Variants in PLXDC2 observed in about 807,000 individuals in gnomAD.
The protein encoded by PLXDC2 is plexin domain containing 2, also known as plexin domain-containing protein 2.
A neutral mutation model predicts 68.9 loss-of-function variants in PLXDC2; 40 were observed. The ratio of observed to expected loss-of-function variants is 0.58; its 90% CI spans 0.45 to 0.76. PLXDC2 has a LOEUF of 0.76. Among genes scored for constraint, PLXDC2 ranks in the 30% least tolerant of loss-of-function variants. The probability of loss-of-function intolerance (pLI) is 0.00; values close to 1 mark genes in which losing one functional copy is unlikely to be tolerated. For missense variants in PLXDC2, 644 were observed against 661.9 expected, an observed-to-expected ratio of 0.97 and a Z score of 0.30; for synonymous variants, 243 against 234.2, an observed-to-expected ratio of 1.04 and a Z score of -0.34.
intron 1 of PLXDC2, among the ~76,000 whole-genome samples, chr10:19,822,005 A>G (rs1836475170): frequency 6.6e-6 from 1 of 152,092 alleles, no homozygotes; most frequent in Admixed American, 6.5e-5. Context: ...TATGTATAAG[A>G]GAAAGCAAAT....
At chr10:19,838,480 TA>T (rs1311104840) in intron 1 of PLXDC2, among the ~76,000 whole-genome samples, 1 of 152,204 alleles carries the variant, frequency 6.6e-6, no homozygotes, top group Admixed American at 6.5e-5. Context: ...TAAGTCCAAG[TA>T]AAACAGACAA....
chr10:20,147,931 CTTCCCCTTGTTCTTGACTGCTGCCT>C (rs1194838605), intron 6 of PLXDC2, 29 bp downstream of exon 6: 10 of 1,478,870 alleles, frequency 6.8e-6, no homozygotes, highest in Non-Finnish European at 8.5e-6. Flanking sequence ...ATTTCTTTCC[CTTCCCCTTGTTCTTGACTGCTGCCT>C]TTCCTCCAAA....
Position 19,817,018 on chromosome 10 carries a change from T to C in PLXDC2, c.-62T>C. The C allele has an allele frequency of 1.5e-6, 2 of 1,316,688 alleles. No homozygotes were observed. The highest frequency in any genetic ancestry group is 2.1e-6 in the Non-Finnish European group (2 of 944,978). 81.6% of individuals were successfully genotyped at this position (1,316,688 alleles called of 1,614,324 possible). A position where few individuals can be genotyped will look rare whatever the true frequency, so the allele number is the denominator to read the frequency against. On this transcript the variant is annotated 5_prime_UTR_variant, in exon 1 of 14. Coordinates refer to ENST00000377252, the MANE Select transcript of PLXDC2 (RefSeq NM_032812.9). ...GTTTGGCCCGGTCGTGCCTATTGCA[T>C]CGGGAGCCCCCGAGCACCGGCGAAG...
chr10:20,003,511 C>A (rs1038225747), intron 2 of PLXDC2, among the ~76,000 whole-genome samples: 2 of 152,144 alleles, frequency 1.3e-5, no homozygotes, highest in African/African-American at 4.8e-5. Flanking sequence ...CGGCTCACTG[C>A]AACCTCTGCC....
chr10:19,872,038 T>A (rs567521202), intron 1 of PLXDC2, among the ~76,000 whole-genome samples: 1 of 152,290 alleles, frequency 6.6e-6, no homozygotes, highest in Non-Finnish European at 1.5e-5. Flanking sequence ...ACTTAATAAG[T>A]CATTATTGAA....
chr10:20,085,700 A>G (rs1833182608), intron 4 of PLXDC2, among the ~76,000 whole-genome samples: 1 of 152,156 alleles, frequency 6.6e-6, no homozygotes, highest in Non-Finnish European at 1.5e-5. Context: ...CTACACAGTT[A>G]AGACCTTCTG....
intron 1 of PLXDC2, among the ~76,000 whole-genome samples, chr10:19,906,279 T>C (rs1162532898): frequency 5.3e-5 from 8 of 152,092 alleles, no homozygotes; most frequent in Non-Finnish European, 7.3e-5. Context: ...CACTGAGTGA[T>C]AGTTTGTTAC....
chr10:19,987,719 C>T (rs1046078575), intron 1 of PLXDC2, among the ~76,000 whole-genome samples: 1 of 151,492 alleles, frequency 6.6e-6, no homozygotes, highest in African/African-American at 2.4e-5. Context: ...CCGCCACCAC[C>T]CCCGGCTATT....
chr10:20,140,158 G>A (rs1179721301), intron 4 of PLXDC2, among the ~76,000 whole-genome samples: 2 of 151,926 alleles, frequency 1.3e-5, no homozygotes, highest in South Asian at 2.1e-4. Flanking sequence ...AAATTAGCCG[G>A]GCGTGGTGGA....
Position 20,205,475 on chromosome 10 carries a change from A to G in PLXDC2, c.1062-6194A>G, listed in dbSNP as rs182544047. 2.0e-3 allele frequency among the ~76,000 whole-genome samples: 297 copies of G among 152,250 alleles called. 1 individual carries two copies. Among genetic ancestry groups the G allele is most frequent in the African/African-American group, 7.0e-3 (289 of 41,574 alleles). On this transcript the variant is annotated intron_variant, in intron 9 of 13. Transcript: ENST00000377252. ...CATTTTGAATAAAGATTTGGCCCAT[A>G]TGTGAGAGCAACTTAGAGTTTCTCT...
chr10:19,910,168 TTATA>T (rs3043811), intron 1 of PLXDC2, among the ~76,000 whole-genome samples: 48,059 of 144,982 alleles, frequency 0.33, 8,066 homozygotes, highest in South Asian at 0.42. Flanking sequence ...TTGTACACTT[TTATA>T]TATATATATA....
rs1833766893 is a variant in PLXDC2 at position 19,938,590 on chromosome 10, T to C, written c.113-63185T>C. On this transcript the variant is annotated intron_variant, in intron 1 of 13. Coordinates refer to ENST00000377252, the MANE Select transcript of PLXDC2 (RefSeq NM_032812.9). ...CATGAGAACAGCACCAACAGGGAAA[T>C]CAGTCCCTGTGATCCAATCACCTCC... Among the ~76,000 whole-genome samples the C allele has an allele frequency of 2.6e-5, 4 of 152,058 alleles. No individual in the cohort carries two copies. The South Asian group carries it at 6.2e-4, about 24-fold the overall frequency.
At chr10:20,160,792 A>T (rs1046756352) in intron 6 of PLXDC2, among the ~76,000 whole-genome samples, 1 of 152,232 alleles carries the variant, frequency 6.6e-6, no homozygotes, top group Non-Finnish European at 1.5e-5. Flanking sequence ...CTACTGGAAC[A>T]TTCCAATCTT....
intron 6 of PLXDC2, among the ~76,000 whole-genome samples, chr10:20,162,071 A>AGAGAGAGAGAAGGAAG (rs1834305289): frequency 2.2e-5 from 1 of 44,908 alleles, no homozygotes; most frequent in African/African-American, 8.3e-5. Flanking sequence ...AGAGAGAGAG[A>AGAGAGAGAGAAGGAAG]GAAGGAAGGA....
intron 1 of PLXDC2, among the ~76,000 whole-genome samples, chr10:19,924,715 G>C (rs1027877637): frequency 2.0e-4 from 30 of 152,194 alleles, no homozygotes; most frequent in African/African-American, 7.0e-4. Flanking sequence ...CAGATACCTT[G>C]TGTCCATGTT....
intron 1 of PLXDC2, among the ~76,000 whole-genome samples, chr10:19,871,189 T>C (rs1485522176): frequency 6.6e-6 from 1 of 152,198 alleles, no homozygotes; most frequent in Non-Finnish European, 1.5e-5. Context: ...TTTTTCTTCC[T>C]AAAGAACAGC....
chr10:19,975,418 T>A (rs11011712), intron 1 of PLXDC2, among the ~76,000 whole-genome samples: 27,341 of 151,954 alleles, frequency 0.18, 2,511 homozygotes, highest in East Asian at 0.27. Flanking sequence ...AGATCGCGCC[T>A]CTGCCCTCCA....
At chr10:19,895,849 G>A (rs1010721452) in intron 1 of PLXDC2, among the ~76,000 whole-genome samples, 2 of 152,132 alleles carry the variant, frequency 1.3e-5, no homozygotes, top group Non-Finnish European at 2.9e-5. Flanking sequence ...GAGGCCAGGA[G>A]TTTGAGGGTG....
At chr10:19,849,203 A>G (rs541011125) in intron 1 of PLXDC2, among the ~76,000 whole-genome samples, 1 of 152,224 alleles carries the variant, frequency 6.6e-6, no homozygotes, top group South Asian at 2.1e-4. Flanking sequence ...GAAATAAAAA[A>G]TAAATAACAA....
Sources: gnomAD v4.1 joint callset for allele counts (sites outside exome capture counted in the v4.1 genomes callset) on GRCh38, gnomAD v4.1.1 for gene constraint, MANE v1.5 for transcripts, NCBI Gene and HGNC (gene_info 2026-07-23, HGNC 2026-07-21) for gene names.